CAPZB: variants seen among roughly 807,000 people sequenced by gnomAD.
CAPZB encodes capping actin protein of muscle Z-line subunit beta.
CAPZB carries 2 observed loss-of-function variants against 38.1 expected under a neutral mutation model. The ratio of observed to expected loss-of-function variants is 0.05; its 90% CI spans 0.02 to 0.17. The LOEUF is 0.17. Among genes scored for constraint, CAPZB ranks in the 10% least tolerant of loss-of-function variants. CAPZB has a pLI of 1.00. For missense variants in CAPZB, 161 were observed against 334.2 expected (o/e 0.48, Z 4.04); for synonymous variants, 107 against 127.4 (o/e 0.84, Z 1.08).
chr1:19,338,879 A>T lies in CAPZB; in HGVS notation c.*651T>A, dbSNP rs2093911079. ...TTTTTTTCTTAAGCTTTACAAAAAA[A>T]CAAAATAAAACAAAAACCTCCTTTT... On this transcript the variant is annotated 3_prime_UTR_variant, in exon 9 of 9. Coordinates refer to ENST00000264202, the MANE Select transcript of CAPZB (RefSeq NM_004930.5). 6.6e-6 allele frequency: 1 copy of T among 152,540 alleles called. No individual in the cohort carries two copies. Among genetic ancestry groups the T allele is most frequent in the Non-Finnish European group, 1.5e-5 (1 of 68,068 alleles). 9.4% of individuals were successfully genotyped at this position (152,540 alleles called of 1,614,324 possible).
chr1:19,422,678 A>G (rs974242427), intron 1 of CAPZB, among the ~76,000 whole-genome samples: 2 of 151,998 alleles, frequency 1.3e-5, no homozygotes, highest in Admixed American at 1.3e-4. Flanking sequence ...CAGAGCTTGC[A>G]GTGAGCCCAG....
At chr1:19,468,795 GTC>G (rs936627456) in intron 1 of CAPZB, among the ~76,000 whole-genome samples, 1 of 151,952 alleles carries the variant, frequency 6.6e-6, no homozygotes, top group African/African-American at 2.4e-5. Flanking sequence ...GGCACACGCC[GTC>G]TCTCTGCCTG....
At chr1:19,422,761 A>AC (rs1553282662) in intron 1 of CAPZB, among the ~76,000 whole-genome samples, 2 of 149,996 alleles carry the variant, frequency 1.3e-5, no homozygotes, top group Non-Finnish European at 3.0e-5. Context: ...AACAACAACA[A>AC]ACCCACACAT....
chr1:19,395,874 G>A (rs994731328), intron 2 of CAPZB, among the ~76,000 whole-genome samples: 2 of 152,178 alleles, frequency 1.3e-5, no homozygotes, highest in African/African-American at 4.8e-5. Context: ...GCCTGCAGCC[G>A]GCCAGCCAGC....
intron 1 of CAPZB, among the ~76,000 whole-genome samples, chr1:19,479,066 T>C (rs911786019): frequency 1.3e-5 from 2 of 151,928 alleles, no homozygotes; most frequent in Non-Finnish European, 2.9e-5. Flanking sequence ...AAAAATTAGC[T>C]AGGCATGGTG....
chr1:19,383,172 G>A (rs969248293), intron 3 of CAPZB, among the ~76,000 whole-genome samples: 2 of 151,772 alleles, frequency 1.3e-5, no homozygotes, highest in African/African-American at 4.8e-5. Context: ...GGGGCTGGGC[G>A]CAGTGGCTCA....
chr1:19,406,300 T>TC (rs2094331743), intron 2 of CAPZB, among the ~76,000 whole-genome samples: 1 of 152,006 alleles, frequency 6.6e-6, no homozygotes, highest in African/African-American at 2.4e-5. Context: ...AACGCACCCC[T>TC]CCCCCCGGCA....
At chr1:19,413,598 T>G (rs1181821975) in intron 2 of CAPZB, among the ~76,000 whole-genome samples, 1 of 143,182 alleles carries the variant, frequency 7.0e-6, no homozygotes, top group Non-Finnish European at 1.6e-5. Context: ...CCTCCCAAAG[T>G]GCTGGGATTA....
At chr1:19,481,152 T>C (rs2094627108) in intron 1 of CAPZB, among the ~76,000 whole-genome samples, 1 of 152,222 alleles carries the variant, frequency 6.6e-6, no homozygotes, top group Admixed American at 6.5e-5. Context: ...TGTCAGGCTG[T>C]GGTGAGGACC....
intron 1 of CAPZB, among the ~76,000 whole-genome samples, chr1:19,459,566 T>C (rs577969658): frequency 1.3e-5 from 2 of 152,230 alleles, no homozygotes; most frequent in South Asian, 2.1e-4. Flanking sequence ...GGATAGGGGC[T>C]GGGAGAAAGA....
intron 1 of CAPZB, among the ~76,000 whole-genome samples, chr1:19,448,629 C>T (rs2094504120): frequency 6.6e-6 from 1 of 152,210 alleles, no homozygotes; most frequent in African/African-American, 2.4e-5. Context: ...TTAGAAGCTG[C>T]CTGGTGACCA....
intron 4 of CAPZB, among the ~76,000 whole-genome samples, chr1:19,366,274 G>A (rs2094085051): frequency 2.7e-5 from 3 of 112,384 alleles, no homozygotes; most frequent in South Asian, 2.7e-4. Flanking sequence ...TAGTGAGACC[G>A]TGTCTTAAAA....
At chr1:19,342,367 T>A (rs1250703746) in intron 8 of CAPZB, among the ~76,000 whole-genome samples, 1 of 152,220 alleles carries the variant, frequency 6.6e-6, no homozygotes, top group Non-Finnish European at 1.5e-5. Flanking sequence ...TGCACCAGCA[T>A]CAGAGGCTCC....
intron 1 of CAPZB, among the ~76,000 whole-genome samples, chr1:19,453,306 G>A (rs1009021543): frequency 2.0e-5 from 3 of 151,934 alleles, no homozygotes; most frequent in Non-Finnish European, 2.9e-5. Context: ...TTGTCGCCTA[G>A]GCTGGAGTGC....
intron 1 of CAPZB, among the ~76,000 whole-genome samples, chr1:19,444,070 A>ATTGCTTGAACCTGGGAGGCAGAGG (rs1033733776): frequency 1.3e-5 from 2 of 152,206 alleles, no homozygotes; most frequent in African/African-American, 2.4e-5. Flanking sequence ...AGGCAGGAGA[A>ATTGCTTGAACCTGGGAGGCAGAGG]TTGCTTGAAC....
chr1:19,484,312 G>C (rs1410573716), intron 1 of CAPZB: 2 of 1,598,240 alleles, frequency 1.3e-6, no homozygotes, highest in Non-Finnish European at 1.7e-6. Context: ...TCCAGGGCCT[G>C]GTGGCCCCCC....
At chr1:19,476,752 C>T (rs1219939513) in intron 1 of CAPZB, among the ~76,000 whole-genome samples, 2 of 152,234 alleles carry the variant, frequency 1.3e-5, no homozygotes, top group Non-Finnish European at 2.9e-5. Flanking sequence ...TTGCAGTTCA[C>T]AAAGTTCCAT....
At chr1:19,404,036 T>C (rs759888227) in intron 2 of CAPZB, among the ~76,000 whole-genome samples, 1 of 151,356 alleles carries the variant, frequency 6.6e-6, no homozygotes, top group Non-Finnish European at 1.5e-5. Context: ...AGTTTGAGAC[T>C]AGCCTGGCCA....
chr1:19,377,190 T>C lies in CAPZB; in HGVS notation c.329+1350A>G, dbSNP rs753471358. Among the ~76,000 whole-genome samples, 126 of 152,316 alleles carry C rather than the reference T, an allele frequency of 8.3e-4. 1 individual carries two copies. The highest frequency in any genetic ancestry group is 2.0e-3 in the Admixed American group (30 of 15,302). On this transcript the variant is annotated intron_variant, in intron 4 of 8. Coordinates refer to ENST00000264202, the MANE Select transcript of CAPZB (RefSeq NM_004930.5). ...AAAAACAATTACAAGTAAACTACCA[T>C]AGAGCAATGAGTCAGCTTTTCAGTA...
Sources: allele counts gnomAD v4.1 joint callset (sites outside exome capture counted in the v4.1 genomes callset), GRCh38; gene constraint gnomAD v4.1.1; transcripts MANE v1.5; gene names NCBI Gene and HGNC (gene_info 2026-07-23, HGNC 2026-07-21).